Variants in TES observed in about 807,000 individuals in gnomAD.
TES encodes testin.
In TES, 41 loss-of-function variants were observed where a neutral mutation model predicts 48.2. That is an observed-to-expected ratio of 0.85 (90% confidence interval 0.66 to 1.10). The LOEUF (loss-of-function observed/expected upper bound fraction) is 1.10. TES is among the 50% of genes least tolerant of loss of function. The pLI is 0.00. For synonymous variants in TES, 162 were observed against 174.9 expected (o/e 0.93, Z 0.58); for missense variants, 463 against 515.1 (o/e 0.90, Z 0.98).
At chr7:116,248,084 TGTATTA>T (rs1194146208) in intron 2 of TES, among the ~76,000 whole-genome samples, 3 of 152,256 alleles carry the variant, frequency 2.0e-5, no homozygotes, top group South Asian at 4.1e-4. Context: ...TTTCCTTTCC[TGTATTA>T]ATTCACTTAA....
chr7:116,254,401 G>A (rs902180093), intron 6 of TES, among the ~76,000 whole-genome samples: 1 of 152,002 alleles, frequency 6.6e-6, no homozygotes, highest in African/African-American at 2.4e-5. Context: ...GATATGATTT[G>A]TTTAAATAAA....
chr7:116,238,685 T>C (rs980738104), intron 2 of TES, among the ~76,000 whole-genome samples: 28 of 151,950 alleles, frequency 1.8e-4, no homozygotes, highest in Admixed American at 1.8e-3. Flanking sequence ...CACTGCAACC[T>C]CTGCCTCCTA....
chr7:116,228,614 T>C (rs1366575027), intron 1 of TES, among the ~76,000 whole-genome samples: 2 of 152,226 alleles, frequency 1.3e-5, no homozygotes, highest in African/African-American at 4.8e-5. Flanking sequence ...AGCTTAAGTC[T>C]TTTGTTTCCT....
chr7:116,255,179 C>A (rs1294087819), intron 6 of TES: 1 of 152,128 alleles, frequency 6.6e-6, no homozygotes, highest in African/African-American at 2.4e-5. Context: ...CCGTCAGATT[C>A]ATAGGACACT....
intron 6 of TES, among the ~76,000 whole-genome samples, chr7:116,254,756 A>ATGTGTGTGTG (rs528007110): frequency 5.1e-4 from 73 of 143,272 alleles, no homozygotes; most frequent in African/African-American, 7.5e-4. Context: ...AAATATATAT[A>ATGTGTGTGTG]TATGTGTGTG....
chr7:116,230,704 TGAAAAG>T (rs749432329), intron 1 of TES, among the ~76,000 whole-genome samples: 13 of 152,122 alleles, frequency 8.5e-5, no homozygotes, highest in Non-Finnish European at 1.9e-4. Context: ...CTTGGGAAAA[TGAAAAG>T]GAAAACAAAA....
intron 1 of TES, among the ~76,000 whole-genome samples, chr7:116,213,947 C>G (rs1039312374): frequency 2.6e-5 from 4 of 152,066 alleles, no homozygotes; most frequent in Non-Finnish European, 5.9e-5. Flanking sequence ...TTTCCTCTTT[C>G]CTTTCTGTGT....
At position 116,246,511 on chromosome 7, in the gene TES, A is replaced by G. The variant is rs145833350; in HGVS notation, c.114-2509A>G. ...AAGCCCAAATTCCTTAATGTGTTCT[A>G]TGAGCCCCTGCATGACTTCATGCCT... On this transcript the variant is annotated intron_variant, in intron 2 of 6. Coordinates refer to ENST00000358204, the MANE Select transcript of TES (RefSeq NM_015641.4). Among the ~76,000 whole-genome samples, 16 of 152,286 alleles carry G rather than the reference A, an allele frequency of 1.1e-4. No individual in the cohort carries two copies. In the East Asian group the frequency reaches 2.9e-3, roughly 28 times the overall value.
intron 1 of TES, among the ~76,000 whole-genome samples, chr7:116,221,682 C>T (rs1799559398): frequency 6.6e-6 from 1 of 152,162 alleles, no homozygotes; most frequent in East Asian, 1.9e-4. Context: ...TTCCTCTGTA[C>T]ATCTGAAAGA....
At chr7:116,247,143 GAAATA>G (rs1325364060) in intron 2 of TES, among the ~76,000 whole-genome samples, 1 of 151,220 alleles carries the variant, frequency 6.6e-6, no homozygotes, top group Non-Finnish European at 1.5e-5. Context: ...AGTGTTTGAA[GAAATA>G]AAATAAGGGA....
chr7:116,224,819 G>C (rs1331460962), intron 1 of TES, among the ~76,000 whole-genome samples: 1 of 151,820 alleles, frequency 6.6e-6, no homozygotes, highest in Non-Finnish European at 1.5e-5. Flanking sequence ...TTACAGAAGA[G>C]GAATATTACC....
At chr7:116,212,567 T>G (rs993760882) in intron 1 of TES, among the ~76,000 whole-genome samples, 2 of 152,206 alleles carry the variant, frequency 1.3e-5, no homozygotes, top group African/African-American at 4.8e-5. Context: ...AAAAATGCTT[T>G]AAAAATAAAG....
At chr7:116,237,649 T>C (rs1372655310) in intron 2 of TES, among the ~76,000 whole-genome samples, 2 of 152,176 alleles carry the variant, frequency 1.3e-5, no homozygotes, top group Non-Finnish European at 2.9e-5. Flanking sequence ...CCCATGTATG[T>C]CTTTTCAGGC....
chr7:116,257,188 T>G (rs2402059), intron 6 of TES, 106 bp from the exon 7 acceptor site: 502,367 of 1,232,414 alleles, frequency 0.41, 104,630 homozygotes, highest in East Asian at 0.58. Flanking sequence ...TCTGAGGTTG[T>G]CATTATGAGT....
chr7:116,257,525 G>A lies in TES; in HGVS notation c.*43G>A. On this transcript the variant is annotated 3_prime_UTR_variant, in exon 7 of 7. Coordinates refer to ENST00000358204, the MANE Select transcript of TES (RefSeq NM_015641.4). ...GTATCGAGCCATAGCTATCCAAAGT[G>A]GTCTGCATTTCTACTGTAAAATGCA... 4 of 1,402,870 alleles carry A rather than the reference G, an allele frequency of 2.9e-6. No homozygotes were observed. The highest frequency in any genetic ancestry group is 2.7e-5 in the Admixed American group (1 of 37,136). 86.9% of individuals were successfully genotyped at this position (1,402,870 alleles called of 1,614,324 possible).
At chr7:116,252,705 TA>T in intron 6 of TES, 1 of 548,278 alleles carries the variant, frequency 1.8e-6, no homozygotes, top group Non-Finnish European at 3.2e-6. Context: ...CAATTATAGG[TA>T]CTGCTTAATA....
chr7:116,210,831 C>T (rs1799427742), intron 1 of TES, 97 bp downstream of exon 1: 2 of 1,098,272 alleles, frequency 1.8e-6, no homozygotes, highest in Non-Finnish European at 2.3e-6. Context: ...GGCTCGCGGG[C>T]CCCCCGGTGT....
chr7:116,212,850 C>T (rs1450509103), intron 1 of TES, among the ~76,000 whole-genome samples: 1 of 152,174 alleles, frequency 6.6e-6, no homozygotes, highest in African/African-American at 2.4e-5. Context: ...TAATCCTCCT[C>T]TTCTCCGCCT....
rs537903788 is a variant in TES, at chr7:116,257,412, T to C, written c.1196T>C (p.Ile399Thr). 18 of 1,614,082 alleles carry C rather than the reference T, an allele frequency of 1.1e-5. No homozygotes were observed. Among genetic ancestry groups the C allele is most frequent in the Middle Eastern group, 3.3e-4 (2 of 6,062 alleles). The change falls in exon 7 of 7, where the codon ATT (isoleucine) becomes ACT (threonine). Residue 399 changes from isoleucine (I) to threonine (T), a missense_variant. Transcript: ENST00000358204. ...TGCTCTTGCTGCAGCAAATGCCTCA[T>C]TGGGCAGAAGTTCATGCCAGTAGAA... Reference protein sequence around the residue: ...FLCSCCSKCLIGQKFMPVEGM... With the variant: ...FLCSCCSKCLTGQKFMPVEGM...
Sources: allele counts gnomAD v4.1 joint callset (sites outside exome capture counted in the v4.1 genomes callset), GRCh38; gene constraint gnomAD v4.1.1; transcripts MANE v1.5; gene names NCBI Gene and HGNC (gene_info 2026-07-23, HGNC 2026-07-21).